SGCZ: variants seen among roughly 807,000 people sequenced by gnomAD.
The protein encoded by SGCZ is sarcoglycan zeta, also known as zeta-sarcoglycan.
In SGCZ, 40 loss-of-function variants were observed where a neutral mutation model predicts 41.3. That is an observed-to-expected ratio of 0.97 (90% CI 0.75 to 1.26). The LOEUF is 1.26. Among genes scored for constraint, SGCZ ranks in the 50% most tolerant of loss-of-function variants. The pLI, the probability that SGCZ is intolerant of heterozygous loss-of-function variation, is 0.00. For missense variants in SGCZ, 552 were observed against 369.8 expected, an observed-to-expected ratio of 1.49 and a Z score of -4.04; for synonymous variants, 206 against 137.5, an observed-to-expected ratio of 1.50 and a Z score of -3.49.
intron 1 of SGCZ, among the ~76,000 whole-genome samples, chr8:14,705,764 G>A (rs937357179): frequency 6.6e-6 from 1 of 152,010 alleles, no homozygotes; most frequent in Non-Finnish European, 1.5e-5. Flanking sequence ...TTGGAAAACA[G>A]TTTTTCTGAA....
intron 1 of SGCZ, among the ~76,000 whole-genome samples, chr8:15,029,477 C>G (rs1803579059): frequency 6.6e-6 from 1 of 152,000 alleles, no homozygotes; most frequent in African/African-American, 2.4e-5. Context: ...CCCTTAAAAT[C>G]AGATCAAAGA....
chr8:14,969,862 A>G (rs75366609), intron 1 of SGCZ, among the ~76,000 whole-genome samples: 11,878 of 152,134 alleles, frequency 0.078, 687 homozygotes, highest in African/African-American at 0.15. Context: ...GTATGGAGAT[A>G]CTTTCATTTT....
intron 3 of SGCZ, among the ~76,000 whole-genome samples, chr8:14,260,536 T>A (rs1299538749): frequency 6.8e-6 from 1 of 147,626 alleles, no homozygotes; most frequent in Non-Finnish European, 1.5e-5. Context: ...GAAGTCAGTG[T>A]GGCGATTCCT....
chr8:14,725,239 G>T (rs948270647), intron 1 of SGCZ, among the ~76,000 whole-genome samples: 14 of 152,102 alleles, frequency 9.2e-5, no homozygotes, highest in Non-Finnish European at 1.6e-4. Context: ...TCATTCCTCT[G>T]TTGATAGACA....
chr8:15,158,471 A>G (rs1321193665), intron 1 of SGCZ, among the ~76,000 whole-genome samples: 1 of 152,210 alleles, frequency 6.6e-6, no homozygotes, highest in Non-Finnish European at 1.5e-5. Context: ...GAATTCTTCA[A>G]TATTTAATCT....
intron 4 of SGCZ, among the ~76,000 whole-genome samples, chr8:14,232,641 G>A (rs901577578): frequency 6.6e-6 from 1 of 151,808 alleles, no homozygotes; most frequent in African/African-American, 2.4e-5. Context: ...TAGGGTACAA[G>A]TGCACAATGT....
At chr8:14,267,286 C>T (rs937172755) in intron 3 of SGCZ, among the ~76,000 whole-genome samples, 1 of 151,840 alleles carries the variant, frequency 6.6e-6, no homozygotes, top group Non-Finnish European at 1.5e-5. Flanking sequence ...GATAAAAGAG[C>T]TCAAAATGAA....
chr8:15,215,341 G>C lies in SGCZ; in HGVS notation c.39+22244C>G, dbSNP rs573799929. On this transcript the variant is annotated intron_variant, in intron 1 of 7. Coordinates refer to ENST00000382080, the MANE Select transcript of SGCZ (RefSeq NM_139167.4). ...AATGCACTGCATTTGGTATACGCAA[G>C]AAGAAAAAACCTTTCAGAAAAATTC... Among the ~76,000 whole-genome samples the C allele has an allele frequency of 6.6e-5, 10 of 152,278 alleles. No individual in the cohort carries two copies. The South Asian group carries it at 8.3e-4, about 13-fold the overall frequency.
intron 1 of SGCZ, among the ~76,000 whole-genome samples, chr8:14,835,698 T>C (rs1281924773): frequency 2.0e-5 from 3 of 152,202 alleles, no homozygotes; most frequent in Non-Finnish European, 4.4e-5. Flanking sequence ...CAATCTGTTC[T>C]TGGCCTAACA....
At chr8:14,708,631 C>T (rs533851709) in intron 1 of SGCZ, among the ~76,000 whole-genome samples, 7 of 151,954 alleles carry the variant, frequency 4.6e-5, no homozygotes, top group African/African-American at 1.7e-4. Context: ...TTTTAACAAT[C>T]AGTTTGAAAA....
intron 1 of SGCZ, among the ~76,000 whole-genome samples, chr8:14,856,386 GGAA>G (rs1188785977): frequency 5.3e-5 from 8 of 152,096 alleles, no homozygotes; most frequent in East Asian, 1.9e-4. Context: ...GGCCATTCAA[GGAA>G]GAAGAAGTGT....
chr8:14,495,155 A>G (rs1801953946), intron 2 of SGCZ, among the ~76,000 whole-genome samples: 1 of 152,174 alleles, frequency 6.6e-6, no homozygotes, highest in Admixed American at 6.5e-5. Flanking sequence ...TATCAAAAAG[A>G]AGATAAAGAG....
At chr8:14,296,939 G>C (rs547971190) in intron 3 of SGCZ, among the ~76,000 whole-genome samples, 1 of 150,172 alleles carries the variant, frequency 6.7e-6, no homozygotes, top group South Asian at 2.1e-4. Flanking sequence ...CTTTTTTTTT[G>C]AGTCGGATTT....
At chr8:14,594,926 A>C (rs1047313655) in intron 1 of SGCZ, among the ~76,000 whole-genome samples, 5 of 151,928 alleles carry the variant, frequency 3.3e-5, no homozygotes, top group African/African-American at 1.2e-4. Context: ...ACTTTTGATA[A>C]CTCAATAGAG....
chr8:14,684,457 C>G (rs755841383), intron 1 of SGCZ, among the ~76,000 whole-genome samples: 9 of 152,244 alleles, frequency 5.9e-5, no homozygotes, highest in Admixed American at 2.6e-4. Context: ...GTTACTGACT[C>G]TGGCTAAAAG....
At chr8:14,353,733 T>C (rs1305889750) in intron 2 of SGCZ, among the ~76,000 whole-genome samples, 2 of 152,120 alleles carry the variant, frequency 1.3e-5, no homozygotes, top group South Asian at 4.1e-4. Context: ...CTGAAATTTA[T>C]CCTGTAATGT....
At chr8:14,127,478 C>A (rs1824743) in intron 5 of SGCZ, among the ~76,000 whole-genome samples, 2 of 151,742 alleles carry the variant, frequency 1.3e-5, no homozygotes, top group Admixed American at 1.3e-4. Context: ...TTTTTTGATA[C>A]TGAGTCTCAC....
intron 7 of SGCZ, among the ~76,000 whole-genome samples, chr8:14,096,275 C>A (rs1293629748): frequency 2.6e-5 from 4 of 152,020 alleles, no homozygotes; most frequent in Admixed American, 6.6e-5. Flanking sequence ...GAGATACATC[C>A]CATCAATATG....
At position 15,237,612 on chromosome 8, in the gene SGCZ, TG is replaced by T; in HGVS notation, c.11del (p.Ser4Ter). The T allele has an allele frequency of 6.3e-7, 1 of 1,588,620 alleles. No homozygotes were observed. ...TGAGCTCCTCAATGTCCAGGTTCGT[TG>T]ATCTGTCCATGGAGCGCAACTAAAC... is the stretch of plus-strand genomic sequence containing the variant. MDR[S>X]TNLDIEELKM... On this transcript the variant is annotated frameshift_variant, in exon 1 of 8. Transcript: ENST00000382080. LOFTEE classifies it high-confidence loss of function.
Sources: allele counts gnomAD v4.1 joint callset (sites outside exome capture counted in the v4.1 genomes callset), GRCh38; gene constraint gnomAD v4.1.1; transcripts MANE v1.5; gene names NCBI Gene and HGNC (gene_info 2026-07-23, HGNC 2026-07-21).